CRNKL1: variants seen among roughly 807,000 people sequenced by gnomAD.
The protein encoded by CRNKL1 is crooked neck pre-mRNA splicing factor 1, also known as crooked neck-like protein 1.
Under a neutral mutation model 103.7 loss-of-function variants are expected in CRNKL1, and 35 were observed. That is an observed-to-expected ratio of 0.34 (90% confidence interval 0.26 to 0.45). CRNKL1 has a LOEUF of 0.45. CRNKL1 is among the 20% of genes least tolerant of loss of function. The pLI, the probability that CRNKL1 is intolerant of heterozygous loss-of-function variation, is 1.00. For synonymous variants in CRNKL1, 267 were observed against 282.6 expected, an observed-to-expected ratio of 0.94 and a Z score of 0.55; for missense variants, 645 against 836.0, an observed-to-expected ratio of 0.77 and a Z score of 2.82.
At chr20:20,049,007 A>T (rs947539332) in intron 3 of CRNKL1, among the ~76,000 whole-genome samples, 19 of 151,530 alleles carry the variant, frequency 1.3e-4, no homozygotes, top group Non-Finnish European at 2.1e-4. Flanking sequence ...TGCAATTTTT[A>T]TTTTTTTTGG....
chr20:20,043,635 A>G lies in CRNKL1; in HGVS notation c.829T>C (p.Tyr277His), dbSNP rs1295331068. The G allele has an allele frequency of 1.2e-6, 2 of 1,613,996 alleles. No homozygotes were observed. The highest frequency in any genetic ancestry group is 3.3e-5 in the Admixed American group (2 of 60,002). The stretch of plus-strand genomic sequence containing the variant: ...TGTTTTGAAATTCTGTCCAGGGCAT[A>G]CTTGTAAATCACTCGTACCCTTTCA... ...EFERVRVIYK[Y>H]ALDRISKQDA... The change falls in exon 7 of 14, where the codon TAT (tyrosine) becomes CAT (histidine). Residue 277 changes from tyrosine to histidine, a missense_variant. This residue lies in a region of CRNKL1 where 582 missense variants were observed against 707.7 expected (regional missense o/e 0.82). Transcript: ENST00000536226.
At chr20:20,038,049 T>A (rs2054831486) in intron 12 of CRNKL1, among the ~76,000 whole-genome samples, 1 of 150,784 alleles carries the variant, frequency 6.6e-6, no homozygotes, top group African/African-American at 2.4e-5. Context: ...ATAACGCCAC[T>A]GCACTCCAGC....
intron 2 of CRNKL1, 51 bp downstream of exon 2, chr20:20,050,419 A>C (rs368315087): frequency 5.6e-5 from 87 of 1,548,154 alleles, no homozygotes; most frequent in Non-Finnish European, 7.2e-5. Context: ...TTTCAAACTG[A>C]CCGATACAGT....
rs1568753255 is a variant in CRNKL1 at position 20,034,638 on chromosome 20, C to CTATT, written c.*1553_*1556dup. ...TCCCTGACTCTGGGTGAGCCAAAGG[C>CTATT]TATTAAGATGATGTTCTCCTGCTCA... On this transcript the variant is annotated 3_prime_UTR_variant, in exon 14 of 14. Transcript: ENST00000536226. 1.3e-5 allele frequency: 2 copies of CTATT among 152,178 alleles called. No homozygotes were observed. The highest frequency in any genetic ancestry group is 1.9e-4 in the East Asian group (1 of 5,196). 9.4% of individuals were successfully genotyped at this position (152,178 alleles called of 1,614,324 possible).
chr20:20,040,629 A>T, intron 10 of CRNKL1, 57 bp downstream of exon 10: 5 of 1,337,750 alleles, frequency 3.7e-6, no homozygotes, highest in Non-Finnish European at 4.3e-6. Context: ...AAGCACCAAG[A>T]TTTTAATTTC....
chr20:20,039,452 A>G (rs1193636167), intron 11 of CRNKL1, among the ~76,000 whole-genome samples, 157 bp downstream of exon 11: 1 of 152,140 alleles, frequency 6.6e-6, no homozygotes, highest in Non-Finnish European at 1.5e-5. Context: ...CCTGTCCCCC[A>G]CAGCCACCTT....
At chr20:20,044,638 G>A (rs2043566623) in intron 6 of CRNKL1, among the ~76,000 whole-genome samples, 1 of 151,802 alleles carries the variant, frequency 6.6e-6, no homozygotes, top group Non-Finnish European at 1.5e-5. Flanking sequence ...TTTTTTTTAA[G>A]AAATGGGGTC....
At chr20:20,049,532 G>T in intron 2 of CRNKL1, 101 bp from the exon 3 acceptor site, 1 of 628,428 alleles carries the variant, frequency 1.6e-6, no homozygotes, top group Non-Finnish European at 2.8e-6. Context: ...TATTCATTTT[G>T]TTCATATTTA....
chr20:20,051,023 C>T (rs16981483), intron 1 of CRNKL1, among the ~76,000 whole-genome samples: 14,026 of 152,212 alleles, frequency 0.092, 758 homozygotes, highest in African/African-American at 0.14. Context: ...TTTAATGCCC[C>T]GGTGTATAAC....
Position 20,037,311 on chromosome 20 carries a change from C to T in CRNKL1, c.1896+12G>A, listed in dbSNP as rs370423973. 5.0e-6 allele frequency: 8 copies of T among 1,611,324 alleles called. No homozygotes were observed. Among genetic ancestry groups the T allele is most frequent in the South Asian group, 1.1e-5 (1 of 90,614 alleles). ...TGACGTGAGATGAACAGTCCCAGGG[C>T]AGAGTTCTTACCCCATCATCAGTCT... On this transcript the variant is annotated intron_variant, in intron 13 of 13. Coordinates refer to ENST00000536226, the MANE Select transcript of CRNKL1 (RefSeq NM_001278628.2).
chr20:20,055,975 T>C (rs775460676), upstream of CRNKL1: 3 of 1,611,114 alleles, frequency 1.9e-6, no homozygotes, highest in South Asian at 1.1e-5. Flanking sequence ...TTTCCCAAAG[T>C]GTCCTTCTGG....
Position 20,047,944 on chromosome 20 carries a change from C to G in CRNKL1, c.456-13G>C. 21 of 1,607,932 alleles carry G rather than the reference C, an allele frequency of 1.3e-5. No homozygotes were observed. Among genetic ancestry groups the G allele is most frequent in the Non-Finnish European group, 1.8e-5 (21 of 1,175,186 alleles). The stretch of plus-strand genomic sequence containing the variant: ...CGTGTACTTGTACCTGTAACAAAAT[C>G]ACCCGAAAATATCTGCTGTGGTTTA... On this transcript the variant is annotated splice_polypyrimidine_tract_variant and intron_variant, in intron 4 of 13. Coordinates refer to ENST00000536226, the MANE Select transcript of CRNKL1 (RefSeq NM_001278628.2).
chr20:20,048,787 T>C (rs1479518899), intron 3 of CRNKL1, among the ~76,000 whole-genome samples: 1 of 152,096 alleles, frequency 6.6e-6, no homozygotes, highest in Non-Finnish European at 1.5e-5. Flanking sequence ...AAGTAGTAGG[T>C]AATTGTAGAA....
intron 9 of CRNKL1, among the ~76,000 whole-genome samples, chr20:20,041,052 C>T (rs1202575500): frequency 6.6e-6 from 1 of 152,234 alleles, no homozygotes; most frequent in Non-Finnish European, 1.5e-5. Flanking sequence ...ACGGTAGCCT[C>T]TGCTCAGAAC....
At position 20,035,371 on chromosome 20, in the gene CRNKL1, C is replaced by T. The variant is rs1231679391; in HGVS notation, c.*824G>A. On this transcript the variant is annotated 3_prime_UTR_variant, in exon 14 of 14. Transcript: ENST00000536226. ...CCAGAATTTCCCAAATTTATGTGAA[C>T]ATGGGACATCATTTTTCATAGCACA... The T allele has an allele frequency of 6.6e-6, 1 of 152,206 alleles. No homozygotes were observed. Among genetic ancestry groups the T allele is most frequent in the African/African-American group, 2.4e-5 (1 of 41,456 alleles). The allele number at this position is 152,206 out of a possible 1,614,324, so 9.4% of individuals were successfully genotyped here. A position where few individuals can be genotyped will look rare whatever the true frequency, so the allele number is the denominator to read the frequency against.
At chr20:20,046,338 G>A (rs112969828) in intron 5 of CRNKL1, among the ~76,000 whole-genome samples, 1 of 152,160 alleles carries the variant, frequency 6.6e-6, no homozygotes, top group Non-Finnish European at 1.5e-5. Context: ...CTGGCACGTA[G>A]CAAGTGCTAT....
At chr20:20,050,832 G>A (rs2043693678) in intron 1 of CRNKL1, among the ~76,000 whole-genome samples, 1 of 152,144 alleles carries the variant, frequency 6.6e-6, no homozygotes, top group South Asian at 2.1e-4. Flanking sequence ...AAAGCCATAG[G>A]TAAAAGTCTC....
rs778802183 is a variant in CRNKL1 at position 20,039,699 on chromosome 20, G to A, written c.1455C>T (p.Phe485=). 19 of 1,614,016 alleles carry A rather than the reference G, an allele frequency of 1.2e-5. No homozygotes were observed. The highest frequency in any genetic ancestry group is 1.6e-4 in the Middle Eastern group (1 of 6,084). The part of the protein sequence containing the change: ...GPENCTSWIK[F]AELETILGDI... The stretch of plus-strand genomic sequence containing the variant: ...CACCAAGGATTGTCTCTAATTCAGC[G>A]AATTTAATCCATGAGGTACAATTTT... Residue 485 remains phenylalanine, a synonymous_variant, in exon 11 of 14, where the codon TTC becomes TTT. Coordinates refer to ENST00000536226, the MANE Select transcript of CRNKL1 (RefSeq NM_001278628.2).
upstream of CRNKL1, chr20:20,052,827 G>A: frequency 1.8e-6 from 2 of 1,107,978 alleles, no homozygotes; most frequent in Non-Finnish European, 2.6e-6. Context: ...GCGAGCTGCC[G>A]CCCTTTTAGG....
Sources: allele counts gnomAD v4.1 joint callset (sites outside exome capture counted in the v4.1 genomes callset), GRCh38; gene constraint gnomAD v4.1.1; regional missense constraint gnomAD v4.1.1; transcripts MANE v1.5; gene names NCBI Gene and HGNC (gene_info 2026-07-23, HGNC 2026-07-21).